Variants in KCNC2 observed in about 807,000 individuals in gnomAD.
The protein encoded by KCNC2 is potassium voltage-gated channel subfamily C member 2, also known as voltage-gated potassium channel KCNC2.
KCNC2 carries 21 observed loss-of-function variants against 44.5 expected under a neutral mutation model. The observed-to-expected ratio is 0.47, with a 90% confidence interval of 0.33 to 0.68. KCNC2 has a LOEUF of 0.68. KCNC2 is among the 30% of genes least tolerant of loss of function. KCNC2 has a pLI of 0.01. For missense variants in KCNC2, 589 were observed against 826.2 expected, an observed-to-expected ratio of 0.71 and a Z score of 3.52; for synonymous variants, 391 against 339.1, an observed-to-expected ratio of 1.15 and a Z score of -1.68.
chr12:75,088,381 A>G (rs145500488), intron 2 of KCNC2, among the ~76,000 whole-genome samples: 123 of 152,234 alleles, frequency 8.1e-4, no homozygotes, highest in Non-Finnish European at 1.6e-3. Context: ...ATAAATGCAA[A>G]CTATTAGTAT....
chr12:75,067,532 A>C (rs761653968), intron 2 of KCNC2, among the ~76,000 whole-genome samples: 2 of 152,180 alleles, frequency 1.3e-5, no homozygotes, highest in Non-Finnish European at 2.9e-5. Context: ...GAATATGGAA[A>C]GGCTTCTCTG....
At chr12:75,162,230 A>G (rs950960259) in intron 2 of KCNC2, among the ~76,000 whole-genome samples, 1 of 151,808 alleles carries the variant, frequency 6.6e-6, no homozygotes, top group African/African-American at 2.4e-5. Context: ...TAGTATAAAC[A>G]TCTTCCTAAA....
chr12:75,084,481 G>A (rs1351336629), intron 2 of KCNC2, among the ~76,000 whole-genome samples: 1 of 151,904 alleles, frequency 6.6e-6, no homozygotes, highest in East Asian at 1.9e-4. Flanking sequence ...CTATTCTCGT[G>A]ATAGTGAATA....
intron 2 of KCNC2, among the ~76,000 whole-genome samples, chr12:75,067,613 G>A (rs1882965887): frequency 6.6e-6 from 1 of 152,094 alleles, no homozygotes; most frequent in Admixed American, 6.6e-5. Context: ...GGCTTGCTGT[G>A]TTTGAAGAAA....
chr12:75,106,094 G>GA (rs909056663), intron 2 of KCNC2, among the ~76,000 whole-genome samples: 2 of 152,024 alleles, frequency 1.3e-5, no homozygotes, highest in Admixed American at 6.6e-5. Context: ...CAGACGGTCT[G>GA]AAAAAACAAA....
chr12:75,068,616 A>G (rs890495099), intron 2 of KCNC2, among the ~76,000 whole-genome samples: 2 of 152,240 alleles, frequency 1.3e-5, no homozygotes, highest in African/African-American at 4.8e-5. Flanking sequence ...CAAAAAGATC[A>G]TATTTGGACT....
chr12:75,041,973 C>T lies in KCNC2; in HGVS notation c.*1132G>A. 9.7e-7 allele frequency: 1 copy of T among 1,026,220 alleles called. No homozygotes were observed. The highest frequency in any genetic ancestry group is 1.2e-6 in the Non-Finnish European group (1 of 857,284). 63.6% of individuals were successfully genotyped at this position (1,026,220 alleles called of 1,614,324 possible). On this transcript the variant is annotated 3_prime_UTR_variant, in exon 5 of 5. Coordinates refer to ENST00000549446, the MANE Select transcript of KCNC2 (RefSeq NM_139137.4). ...AGGAAAGACAGGGAGCTAAGACAGA[C>T]AAGAACAACATACAGGACAAAGCAC...
At chr12:75,118,616 G>A (rs1887840154) in intron 2 of KCNC2, among the ~76,000 whole-genome samples, 1 of 152,098 alleles carries the variant, frequency 6.6e-6, no homozygotes, top group South Asian at 2.1e-4. Context: ...TTTTTAGGAA[G>A]AAGTCAGAAG....
intron 2 of KCNC2, among the ~76,000 whole-genome samples, chr12:75,062,568 A>C (rs1354297188): frequency 6.6e-6 from 1 of 152,154 alleles, no homozygotes; most frequent in Non-Finnish European, 1.5e-5. Flanking sequence ...GTGAATATTC[A>C]GTTTAAGACT....
chr12:75,143,167 A>G (rs545240229), intron 2 of KCNC2, among the ~76,000 whole-genome samples: 80 of 152,182 alleles, frequency 5.3e-4, no homozygotes, highest in African/African-American at 1.9e-3. Context: ...AGATTTAACC[A>G]ATTTGTTATA....
chr12:75,095,399 C>A (rs932947474), intron 2 of KCNC2, among the ~76,000 whole-genome samples: 1 of 151,788 alleles, frequency 6.6e-6, no homozygotes. Flanking sequence ...AGAAGCCCCA[C>A]ATTTTGCATT....
intron 4 of KCNC2, among the ~76,000 whole-genome samples, chr12:75,044,312 C>A (rs890261182): frequency 7.2e-5 from 11 of 151,784 alleles, no homozygotes; most frequent in Non-Finnish European, 1.2e-4. Flanking sequence ...AAATGAAATT[C>A]TTTTTTGGCA....
Position 75,041,061 on chromosome 12 carries a change from G to A in KCNC2, c.*2044C>T. 6.6e-7 allele frequency: 1 copy of A among 1,522,068 alleles called. No individual in the cohort carries two copies. Among genetic ancestry groups the A allele is most frequent in the Non-Finnish European group, 9.0e-7 (1 of 1,111,092 alleles). 94.3% of individuals were successfully genotyped at this position (1,522,068 alleles called of 1,614,324 possible). A position where few individuals can be genotyped will look rare whatever the true frequency, so the allele number is the denominator to read the frequency against. ...TTATAAGCTTTAAGTGCCTCATGAA[G>A]ACGCGAGGATCTCTTCCAAGTGCAA... On this transcript the variant is annotated 3_prime_UTR_variant, in exon 5 of 5. Transcript: ENST00000549446.
At chr12:75,206,879 GC>G (rs2031728326) in intron 2 of KCNC2, among the ~76,000 whole-genome samples, 1 of 152,186 alleles carries the variant, frequency 6.6e-6, no homozygotes, top group Admixed American at 6.5e-5. Flanking sequence ...TGTGAAGGGG[GC>G]CTCACTGAAA....
At chr12:75,160,895 TC>T (rs1891079933) in intron 2 of KCNC2, among the ~76,000 whole-genome samples, 1 of 151,802 alleles carries the variant, frequency 6.6e-6, no homozygotes, top group Non-Finnish European at 1.5e-5. Flanking sequence ...ATATTATTGA[TC>T]TTAAATCTTC....
At chr12:75,180,627 C>A (rs1334602861) in intron 2 of KCNC2, among the ~76,000 whole-genome samples, 1 of 151,518 alleles carries the variant, frequency 6.6e-6, no homozygotes, top group Admixed American at 6.6e-5. Flanking sequence ...TTAATAAATT[C>A]TTGAATTCAA....
chr12:75,048,101 C>A (rs1278764891), intron 4 of KCNC2, 52 bp downstream of exon 4: 8 of 1,519,118 alleles, frequency 5.3e-6, no homozygotes, highest in Non-Finnish European at 7.3e-6. Context: ...CATGTATTTC[C>A]AACAGTTTAT....
intron 2 of KCNC2, among the ~76,000 whole-genome samples, chr12:75,132,461 A>G (rs1482018016): frequency 6.6e-6 from 1 of 152,164 alleles, no homozygotes; most frequent in East Asian, 1.9e-4. Flanking sequence ...GTTCACTGTA[A>G]CATTCTTTCA....
intron 2 of KCNC2, among the ~76,000 whole-genome samples, chr12:75,182,541 A>AC (rs1178256895): frequency 1.7e-4 from 25 of 148,382 alleles, no homozygotes; most frequent in African/African-American, 6.2e-4. Context: ...AAAAAAACAA[A>AC]AAAAACAAAA....
Sources: gnomAD v4.1 joint callset for allele counts (sites outside exome capture counted in the v4.1 genomes callset) on GRCh38, gnomAD v4.1.1 for gene constraint, MANE v1.5 for transcripts, NCBI Gene and HGNC (gene_info 2026-07-23, HGNC 2026-07-21) for gene names.